Variants in EXOC4 observed in about 807,000 individuals in gnomAD.
EXOC4 encodes the protein exocyst complex component 4.
In EXOC4, 71 loss-of-function variants were observed where a neutral mutation model predicts 107.2. That is an observed-to-expected ratio of 0.66 (90% CI 0.55 to 0.81). The LOEUF (loss-of-function observed/expected upper bound fraction) is 0.81, where lower values mean the gene tolerates loss of function less well. Among genes scored for constraint, EXOC4 ranks in the 30% least tolerant of loss-of-function variants. EXOC4 has a pLI of 0.00. For synonymous variants in EXOC4, 456 were observed against 441.2 expected, an observed-to-expected ratio of 1.03 and a Z score of -0.42; for missense variants, 1,108 against 1,189.6, an observed-to-expected ratio of 0.93 and a Z score of 1.01.
intron 17 of EXOC4, among the ~76,000 whole-genome samples, chr7:134,055,729 A>C (rs1182678632): frequency 1.3e-5 from 2 of 152,230 alleles, no homozygotes; most frequent in African/African-American, 4.8e-5. Flanking sequence ...CCAGGAGACA[A>C]GGGCAGGCAG....
chr7:133,469,872 G>A (rs1391285518), intron 7 of EXOC4, among the ~76,000 whole-genome samples: 2 of 152,154 alleles, frequency 1.3e-5, no homozygotes, highest in East Asian at 3.8e-4. Context: ...GTAAAAGGTG[G>A]TTGCCCCAAA....
intron 10 of EXOC4, among the ~76,000 whole-genome samples, chr7:133,638,462 A>G (rs2151022320): frequency 6.6e-6 from 1 of 152,222 alleles, no homozygotes; most frequent in Middle Eastern, 3.4e-3. Flanking sequence ...CTTCAGCTTA[A>G]TGCTGATGAT....
chr7:134,000,218 G>A (rs1377017802), intron 15 of EXOC4, among the ~76,000 whole-genome samples: 3 of 152,010 alleles, frequency 2.0e-5, no homozygotes, highest in Admixed American at 2.0e-4. Flanking sequence ...ACCACATAAG[G>A]CTCGGATAGT....
chr7:133,559,070 T>C (rs1022788202), intron 9 of EXOC4, among the ~76,000 whole-genome samples: 1 of 152,232 alleles, frequency 6.6e-6, no homozygotes, highest in Non-Finnish European at 1.5e-5. Context: ...CACTTTGGTG[T>C]GCATTTGGTG....
At chr7:133,545,141 C>T (rs1378389138) in intron 9 of EXOC4, among the ~76,000 whole-genome samples, 1 of 151,692 alleles carries the variant, frequency 6.6e-6, no homozygotes, top group Non-Finnish European at 1.5e-5. Context: ...TTATTCTTTT[C>T]CTCCCCCACT....
At chr7:133,856,530 T>G (rs1295197730) in intron 11 of EXOC4, among the ~76,000 whole-genome samples, 1 of 152,216 alleles carries the variant, frequency 6.6e-6, no homozygotes, top group African/African-American at 2.4e-5. Context: ...CAGCTCCTAG[T>G]GGAGTATCCA....
At chr7:133,478,953 A>C (rs1563081154) in intron 8 of EXOC4, 1 of 152,144 alleles carries the variant, frequency 6.6e-6, no homozygotes, top group East Asian at 1.9e-4. Context: ...ACGTAACCCA[A>C]GTGTTTCCCT....
At chr7:133,820,522 A>C (rs553556364) in intron 11 of EXOC4, among the ~76,000 whole-genome samples, 1 of 152,352 alleles carries the variant, frequency 6.6e-6, no homozygotes, top group Admixed American at 6.5e-5. Context: ...ATAAGAAATA[A>C]TTCTCAAAAA....
intron 10 of EXOC4, among the ~76,000 whole-genome samples, chr7:133,761,419 AATT>A (rs1796029498): frequency 6.6e-6 from 1 of 152,140 alleles, no homozygotes; most frequent in Admixed American, 6.6e-5. Context: ...TCTCGGTAAA[AATT>A]ATTGCCGGAT....
chr7:133,726,455 A>AC (rs1795217095), intron 10 of EXOC4, among the ~76,000 whole-genome samples: 1 of 151,994 alleles, frequency 6.6e-6, no homozygotes, highest in African/African-American at 2.4e-5. Flanking sequence ...AATGTACAAC[A>AC]CCCCCTTACC....
intron 10 of EXOC4, among the ~76,000 whole-genome samples, chr7:133,763,661 T>C (rs1257539489): frequency 2.7e-5 from 4 of 149,986 alleles, no homozygotes; most frequent in African/African-American, 9.8e-5. Flanking sequence ...TTTTTAATCT[T>C]TTTCAAAAAA....
intron 3 of EXOC4, among the ~76,000 whole-genome samples, chr7:133,293,717 A>C (rs1049323750): frequency 3.9e-5 from 6 of 152,166 alleles, no homozygotes; most frequent in African/African-American, 1.4e-4. Flanking sequence ...AAAATAATTA[A>C]ATTGTCATGA....
At chr7:134,082,703 T>TG in the EXOC4 span, among the ~76,000 whole-genome samples, 1 of 152,240 alleles carries the variant, frequency 6.6e-6, no homozygotes, top group Non-Finnish European at 1.5e-5. Flanking sequence ...CCTCCCAAAA[T>TG]GCTGGGATTA....
At chr7:133,819,126 C>T (rs946061786) in intron 11 of EXOC4, among the ~76,000 whole-genome samples, 4 of 152,152 alleles carry the variant, frequency 2.6e-5, no homozygotes, top group African/African-American at 4.8e-5. Context: ...CTGGCAATGT[C>T]ATTTCTTCTC....
At chr7:133,500,761 C>G (rs1799560460) in intron 9 of EXOC4, among the ~76,000 whole-genome samples, 1 of 152,124 alleles carries the variant, frequency 6.6e-6, no homozygotes, top group African/African-American at 2.4e-5. Context: ...TGTGTCAGCA[C>G]TTGGTATTGT....
At chr7:133,387,051 G>C (rs923936379) in intron 7 of EXOC4, among the ~76,000 whole-genome samples, 4 of 152,162 alleles carry the variant, frequency 2.6e-5, no homozygotes, top group Non-Finnish European at 5.9e-5. Context: ...TCTTAAAGCA[G>C]CAAATCTCTT....
intron 7 of EXOC4, among the ~76,000 whole-genome samples, chr7:133,414,874 T>C (rs191454780): frequency 6.6e-6 from 1 of 152,126 alleles, no homozygotes; most frequent in East Asian, 1.9e-4. Flanking sequence ...TTTTAGAAAA[T>C]TATCATTACT....
intron 7 of EXOC4, among the ~76,000 whole-genome samples, chr7:133,449,480 AT>A: frequency 6.6e-6 from 1 of 152,226 alleles, no homozygotes; most frequent in Non-Finnish European, 1.5e-5. Context: ...GCTTTCTTAA[AT>A]GCAAGGATAA....
intron 17 of EXOC4, among the ~76,000 whole-genome samples, chr7:134,025,831 T>C (rs1330402446): frequency 6.6e-6 from 1 of 152,170 alleles, no homozygotes; most frequent in African/African-American, 2.4e-5. Context: ...ACGAGCATAG[T>C]ATCACTTCTG....
Sources: allele counts gnomAD v4.1 joint callset (sites outside exome capture counted in the v4.1 genomes callset), GRCh38; gene constraint gnomAD v4.1.1; transcripts MANE v1.5; gene names NCBI Gene and HGNC (gene_info 2026-07-23, HGNC 2026-07-21).